The following GPHN variants were observed in gnomAD, a reference collection of about 807,000 sequenced individuals.
GPHN encodes gephyrin.
GPHN carries 17 observed loss-of-function variants against 95.5 expected under a neutral mutation model. The observed-to-expected ratio is 0.18, with a 90% CI of 0.12 to 0.27. The LOEUF (loss-of-function observed/expected upper bound fraction) is 0.27. Ranked by LOEUF, GPHN falls within the 10% of genes least tolerant of loss-of-function variation. The pLI is 1.00. For missense variants in GPHN, 660 were observed against 978.1 expected (o/e 0.67, Z 4.34); for synonymous variants, 320 against 322.5 (o/e 0.99, Z 0.08).
intron 8 of GPHN, among the ~76,000 whole-genome samples, chr14:66,938,713 C>T (rs539428165): frequency 1.3e-5 from 2 of 152,312 alleles, no homozygotes; most frequent in Non-Finnish European, 2.9e-5. Flanking sequence ...AACACACAAA[C>T]TCTGGCCTAT....
the GPHN span, among the ~76,000 whole-genome samples, chr14:67,474,252 CA>C: frequency 1.5e-4 from 16 of 109,802 alleles, no homozygotes; most frequent in East Asian, 3.4e-3. Flanking sequence ...ACTCTGTCTC[CA>C]AAAAAACAAA....
chr14:67,567,093 A>C, the GPHN span, among the ~76,000 whole-genome samples: 2 of 152,148 alleles, frequency 1.3e-5, no homozygotes, highest in Non-Finnish European at 2.9e-5. Flanking sequence ...TGGGGAAAAC[A>C]AGACACAATG....
chr14:66,595,159 G>A (rs944442925), intron 1 of GPHN, among the ~76,000 whole-genome samples: 8 of 152,144 alleles, frequency 5.3e-5, no homozygotes, highest in African/African-American at 1.9e-4. Context: ...GTATTAGCAA[G>A]GTTATGGAGA....
At chr14:67,226,114 T>TAA in the GPHN span, among the ~76,000 whole-genome samples, 15 of 152,242 alleles carry the variant, frequency 9.9e-5, no homozygotes, top group Admixed American at 2.0e-4. Context: ...TGCTCACTCT[T>TAA]CTGTCCACCC....
At chr14:66,606,196 A>G (rs999627759) in intron 1 of GPHN, among the ~76,000 whole-genome samples, 2 of 152,124 alleles carry the variant, frequency 1.3e-5, no homozygotes, top group Non-Finnish European at 2.9e-5. Context: ...GACTAGCTTC[A>G]TTCTTCTGCA....
intron 18 of GPHN, among the ~76,000 whole-genome samples, chr14:67,144,256 T>A (rs866398789): frequency 0.018 from 1,520 of 84,000 alleles, 53 homozygotes; most frequent in South Asian, 0.021. Flanking sequence ...AAAAAATATA[T>A]ATATATATAT....
the GPHN span, chr14:67,685,186 T>C: frequency 1.2e-6 from 2 of 1,613,002 alleles, no homozygotes; most frequent in Non-Finnish European, 1.7e-6. Context: ...GTGTACAGAA[T>C]ACGTCGTAAC....
At chr14:67,593,824 A>T in the GPHN span, 1 of 1,613,400 alleles carries the variant, frequency 6.2e-7, no homozygotes, top group Non-Finnish European at 8.5e-7. Flanking sequence ...CTGAAGCATA[A>T]GATGAAGTCA....
chr14:67,274,001 C>A, the GPHN span, among the ~76,000 whole-genome samples: 1 of 152,074 alleles, frequency 6.6e-6, no homozygotes, highest in Admixed American at 6.5e-5. Context: ...TGTTTAAGTT[C>A]TTTGTAGATT....
the GPHN span, chr14:67,383,564 T>G: frequency 7.3e-7 from 1 of 1,370,776 alleles, no homozygotes; most frequent in East Asian, 2.7e-5. Context: ...TTCTAAGTAT[T>G]TAAATGTTCT....
chr14:67,279,245 A>T, the GPHN span: 1 of 1,613,678 alleles, frequency 6.2e-7, no homozygotes, highest in Non-Finnish European at 8.5e-7. Flanking sequence ...ATCTTGCATC[A>T]CCAGAGGAAC....
chr14:66,661,697 C>T (rs986937179), intron 1 of GPHN, among the ~76,000 whole-genome samples: 9 of 152,122 alleles, frequency 5.9e-5, no homozygotes, highest in African/African-American at 1.9e-4. Flanking sequence ...CAGGACCTCC[C>T]GACTGGACCC....
the GPHN span, among the ~76,000 whole-genome samples, chr14:67,675,123 G>A: frequency 4.5e-3 from 679 of 152,212 alleles, 7 homozygotes; most frequent in African/African-American, 0.015. Flanking sequence ...GTTAGCTTTC[G>A]GCCCTGGAAA....
the GPHN span, chr14:67,662,402 T>A: frequency 1.6e-6 from 2 of 1,259,608 alleles, no homozygotes; most frequent in Non-Finnish European, 2.3e-6. Context: ...AGTTAATTTG[T>A]GATCAGCTCA....
At chr14:67,664,288 C>A in the GPHN span, among the ~76,000 whole-genome samples, 1 of 152,124 alleles carries the variant, frequency 6.6e-6, no homozygotes, top group Non-Finnish European at 1.5e-5. Context: ...CCATCAAATA[C>A]CTCCCCATTC....
chr14:66,542,114 G>A lies in GPHN; in HGVS notation c.64+33523G>A, dbSNP rs531580941. ...CTTGTCTCACTCTCACTTAAGTCCA[G>A]CTTAAATCCAGCCATTTTTAAACTT... On this transcript the variant is annotated intron_variant, in intron 1 of 22. Coordinates refer to ENST00000478722, the MANE Select transcript of GPHN (RefSeq NM_020806.5). Among the ~76,000 whole-genome samples, 5 of 152,186 alleles carry A rather than the reference G, an allele frequency of 3.3e-5. No individual in the cohort carries two copies. In the South Asian group the frequency reaches 1.0e-3, roughly 32 times the overall value.
At chr14:67,187,688 C>T in the GPHN span, among the ~76,000 whole-genome samples, 1 of 152,280 alleles carries the variant, frequency 6.6e-6, no homozygotes, top group East Asian at 1.9e-4. Context: ...TTCTTTCAAC[C>T]CTTCAACTTT....
the GPHN span, among the ~76,000 whole-genome samples, chr14:67,399,380 AAG>A: frequency 1.1e-4 from 17 of 148,794 alleles, no homozygotes; most frequent in Non-Finnish European, 2.1e-4. Context: ...GGCAGGAATA[AAG>A]AGAAGGGTGG....
At chr14:67,596,022 T>C in the GPHN span, among the ~76,000 whole-genome samples, 1 of 152,362 alleles carries the variant, frequency 6.6e-6, no homozygotes, top group African/African-American at 2.4e-5. Context: ...ATTCCCTTGA[T>C]TCTAAGACCA....
Sources: allele counts gnomAD v4.1 joint callset (sites outside exome capture counted in the v4.1 genomes callset), GRCh38; gene constraint gnomAD v4.1.1; transcripts MANE v1.5; gene names NCBI Gene and HGNC (gene_info 2026-07-23, HGNC 2026-07-21).